The following TMEM182 variants were observed in gnomAD, a reference collection of about 807,000 sequenced individuals.
TMEM182 encodes the protein transmembrane protein 182.
TMEM182 carries 20 observed loss-of-function variants against 26.8 expected under a neutral mutation model. The ratio of observed to expected loss-of-function variants is 0.75; its 90% CI spans 0.53 to 1.09. TMEM182 has a LOEUF of 1.09. Ranked by LOEUF, TMEM182 falls within the 50% of genes least tolerant of loss-of-function variation. TMEM182 has a pLI of 0.00. For synonymous variants in TMEM182, 109 were observed against 102.2 expected, an observed-to-expected ratio of 1.07 and a Z score of -0.40; for missense variants, 277 against 275.5, an observed-to-expected ratio of 1.01 and a Z score of -0.04.
intron 4 of TMEM182, among the ~76,000 whole-genome samples, chr2:102,802,544 G>A (rs935781270): frequency 2.6e-5 from 4 of 152,158 alleles, no homozygotes; most frequent in Non-Finnish European, 4.4e-5. Flanking sequence ...TTGTTTTAAC[G>A]TGGACTCACA....
intron 4 of TMEM182, 47 bp downstream of exon 4, chr2:102,798,047 A>G (rs1220903148): frequency 1.3e-6 from 2 of 1,558,820 alleles, no homozygotes; most frequent in Non-Finnish European, 8.6e-7. Flanking sequence ...GTTTTTCTTC[A>G]TGTCTTTCTA....
intron 3 of TMEM182, among the ~76,000 whole-genome samples, chr2:102,783,281 A>G (rs1009659299): frequency 2.0e-5 from 3 of 152,212 alleles, no homozygotes; most frequent in Admixed American, 6.5e-5. Context: ...GCAATTTTAG[A>G]TGGCTGGTTT....
intron 4 of TMEM182, among the ~76,000 whole-genome samples, chr2:102,803,757 C>T (rs747060179): frequency 2.0e-5 from 3 of 152,164 alleles, no homozygotes; most frequent in Non-Finnish European, 2.9e-5. Flanking sequence ...GAGGATGTGG[C>T]GGCTGTCAGA....
At chr2:102,747,061 T>G (rs1428917846) in intron 1 of TMEM182, among the ~76,000 whole-genome samples, 1 of 152,260 alleles carries the variant, frequency 6.6e-6, no homozygotes, top group Non-Finnish European at 1.5e-5. Context: ...TTATACTTGT[T>G]CTACTGGGGA....
intron 3 of TMEM182, among the ~76,000 whole-genome samples, chr2:102,841,137 G>A (rs934269039): frequency 1.3e-5 from 2 of 152,142 alleles, no homozygotes; most frequent in African/African-American, 4.8e-5. Context: ...GGATCGGGGA[G>A]CTGGAGTGGA....
chr2:102,765,393 T>G (rs1489427957), intron 3 of TMEM182, among the ~76,000 whole-genome samples: 1 of 152,172 alleles, frequency 6.6e-6, no homozygotes, highest in Non-Finnish European at 1.5e-5. Context: ...CTTTAAATCT[T>G]CAACTGATTG....
intron 4 of TMEM182, among the ~76,000 whole-genome samples, chr2:102,798,364 T>G (rs1331549434): frequency 6.6e-6 from 1 of 152,160 alleles, no homozygotes; most frequent in Non-Finnish European, 1.5e-5. Context: ...ACCCTATTAA[T>G]TTTCTGTCTG....
chr2:102,834,444 A>G (rs1436920782), intron 3 of TMEM182: 4 of 985,242 alleles, frequency 4.1e-6, no homozygotes, highest in Non-Finnish European at 4.8e-6. Context: ...GTGAAGTGGA[A>G]TGTAAAAACG....
At chr2:102,792,110 T>A (rs1482503542) in intron 3 of TMEM182, among the ~76,000 whole-genome samples, 2 of 151,090 alleles carry the variant, frequency 1.3e-5, no homozygotes, top group Non-Finnish European at 3.0e-5. Context: ...GTTTTCAGTG[T>A]TAATATATGT....
chr2:102,790,869 T>C (rs1371859905), intron 3 of TMEM182, among the ~76,000 whole-genome samples: 1 of 152,220 alleles, frequency 6.6e-6, no homozygotes, highest in African/African-American at 2.4e-5. Flanking sequence ...ATTCCCTAAA[T>C]CCTCTATTTA....
chr2:102,830,088 T>G (rs1683121509), intron 3 of TMEM182, among the ~76,000 whole-genome samples: 1 of 152,146 alleles, frequency 6.6e-6, no homozygotes, highest in Non-Finnish European at 1.5e-5. Flanking sequence ...TGTCTAAGAG[T>G]TTATGTCTTC....
chr2:102,752,085 A>G (rs1679890711), intron 1 of TMEM182, among the ~76,000 whole-genome samples: 1 of 152,214 alleles, frequency 6.6e-6, no homozygotes, highest in East Asian at 1.9e-4. Context: ...GATTAGGGCA[A>G]CATACGAATT....
At chr2:102,790,838 A>G (rs1462919423) in intron 3 of TMEM182, among the ~76,000 whole-genome samples, 1 of 152,226 alleles carries the variant, frequency 6.6e-6, no homozygotes, top group Non-Finnish European at 1.5e-5. Context: ...TAAAATTGAG[A>G]CATCAGGAAC....
intron 3 of TMEM182, among the ~76,000 whole-genome samples, chr2:102,791,803 T>G (rs978244476): frequency 3.3e-5 from 5 of 152,092 alleles, no homozygotes; most frequent in Admixed American, 6.6e-5. Flanking sequence ...GACAAATGGA[T>G]TTTTAGAGAT....
chr2:102,819,631 C>T (rs1682867337), downstream of TMEM182, among the ~76,000 whole-genome samples: 1 of 152,134 alleles, frequency 6.6e-6, no homozygotes, highest in Admixed American at 6.6e-5. Context: ...TCTGATTACA[C>T]ATGCATGCAC....
At chr2:102,812,386 C>T (rs1242005476) in intron 4 of TMEM182, among the ~76,000 whole-genome samples, 6 of 5,544 alleles carry the variant, frequency 1.1e-3, no homozygotes, top group Non-Finnish European at 9.3e-3. Context: ...TACACATGTA[C>T]ACACACACAC....
intron 3 of TMEM182, among the ~76,000 whole-genome samples, chr2:102,768,814 T>C (rs530223666): frequency 1.1e-4 from 16 of 152,196 alleles, no homozygotes; most frequent in Admixed American, 3.3e-4. Flanking sequence ...AGTACTATTT[T>C]CTGGTCTTTT....
At chr2:102,836,416 AT>A (rs1683248326) in intron 3 of TMEM182, among the ~76,000 whole-genome samples, 3 of 152,002 alleles carry the variant, frequency 2.0e-5, no homozygotes, top group Non-Finnish European at 1.5e-5. Flanking sequence ...TGTTTTTTGG[AT>A]TTTGACCATT....
At position 102,816,151 on chromosome 2, in the gene TMEM182, A is replaced by C; in HGVS notation, c.*1183A>C. ...ATATCAAAGATGTTCATTTGGCACT[A>C]ATGTTGATTGAAATCAAATCCATCT... is the stretch of plus-strand genomic sequence containing the variant. On this transcript the variant is annotated 3_prime_UTR_variant, in exon 5 of 5. Coordinates refer to ENST00000412401, the MANE Select transcript of TMEM182 (RefSeq NM_144632.5). 2 of 985,436 alleles carry C rather than the reference A, an allele frequency of 2.0e-6. No individual in the cohort carries two copies. The highest frequency in any genetic ancestry group is 2.4e-6 in the Non-Finnish European group (2 of 829,936). The allele number at this position is 985,436 out of a possible 1,614,324, so 61.0% of individuals were successfully genotyped here.
Sources: allele counts gnomAD v4.1 joint callset (sites outside exome capture counted in the v4.1 genomes callset), GRCh38; gene constraint gnomAD v4.1.1; transcripts MANE v1.5; gene names NCBI Gene and HGNC (gene_info 2026-07-23, HGNC 2026-07-21).